SEPTIN10: variants seen among roughly 807,000 people sequenced by gnomAD.
SEPTIN10 encodes septin-10.
A neutral mutation model predicts 54.8 loss-of-function variants in SEPTIN10; 66 were observed. The observed-to-expected ratio is 1.21, with a 90% confidence interval of 0.99 to 1.48. SEPTIN10 has a LOEUF of 1.48. Among genes scored for constraint, SEPTIN10 ranks in the 40% most tolerant of loss-of-function variants. The pLI is 0.00. For synonymous variants in SEPTIN10, 161 were observed against 181.0 expected (o/e 0.89, Z 0.89); for missense variants, 620 against 545.6 (o/e 1.14, Z -1.36).
At chr2:109,562,149 G>A (rs1316944156) in intron 8 of SEPTIN10, among the ~76,000 whole-genome samples, 3 of 151,916 alleles carry the variant, frequency 2.0e-5, no homozygotes, top group Admixed American at 1.3e-4. Flanking sequence ...GGAGGCAGAG[G>A]TTGCAGTGAG....
intron 8 of SEPTIN10, chr2:109,564,154 T>A: frequency 2.4e-6 from 1 of 408,946 alleles, no homozygotes. Context: ...TAACTCTTTT[T>A]GAGTCAGACA....
intron 4 of SEPTIN10, among the ~76,000 whole-genome samples, chr2:109,580,606 T>C (rs1690878737): frequency 6.6e-6 from 1 of 152,128 alleles, no homozygotes; most frequent in Non-Finnish European, 1.5e-5. Context: ...TCCTACCCAG[T>C]ACAGTCCAGC....
At chr2:109,603,707 C>T (rs1697203539) in intron 1 of SEPTIN10, among the ~76,000 whole-genome samples, 1 of 152,082 alleles carries the variant, frequency 6.6e-6, no homozygotes, top group Non-Finnish European at 1.5e-5. Context: ...ATAATGAAAT[C>T]TACATAGTCA....
In SEPTIN10 at chr2:109,559,877, G is replaced by C. The variant is rs145045600; in HGVS notation, c.1028+4489C>G. On this transcript the variant is annotated intron_variant, in intron 8 of 10. Coordinates refer to ENST00000397712, the MANE Select transcript of SEPTIN10 (RefSeq NM_144710.5). ...TGTTGCAGGCCTTCCCTTCAAATCT[G>C]CAAGTCCAGACCTATGTAGCCTCCA... Among the ~76,000 whole-genome samples, 687 of 148,196 alleles carry C rather than the reference G, an allele frequency of 4.6e-3. 2 individuals carry two copies. The highest frequency in any genetic ancestry group is 7.3e-3 in the Non-Finnish European group (491 of 67,416).
intron 7 of SEPTIN10, among the ~76,000 whole-genome samples, chr2:109,565,243 C>T (rs989523264): frequency 7.2e-5 from 11 of 151,864 alleles, no homozygotes; most frequent in African/African-American, 2.4e-4. Flanking sequence ...GAAATCCATA[C>T]TAGTAAGGGT....
intron 5 of SEPTIN10, among the ~76,000 whole-genome samples, chr2:109,568,860 C>G (rs115567141): frequency 6.6e-6 from 1 of 152,062 alleles, no homozygotes; most frequent in South Asian, 2.1e-4. Flanking sequence ...ACTGTATGTA[C>G]TACTATCTTA....
intron 8 of SEPTIN10, 111 bp from the exon 9 acceptor site, chr2:109,553,330 A>C: frequency 1.9e-6 from 2 of 1,065,388 alleles, no homozygotes; most frequent in African/African-American, 1.6e-5. Flanking sequence ...GGATCACCTA[A>C]GGTCAGGAGT....
At chr2:109,593,414 T>TTTTTTTC (rs1694562134) in intron 1 of SEPTIN10, among the ~76,000 whole-genome samples, 1 of 150,286 alleles carries the variant, frequency 6.7e-6, no homozygotes, top group Non-Finnish European at 1.5e-5. Flanking sequence ...AAGAACTTTT[T>TTTTTTTC]TTTTTTTTTG....
chr2:109,559,952 G>A lies in SEPTIN10; in HGVS notation c.1028+4414C>T, dbSNP rs573506275. Among the ~76,000 whole-genome samples, 93 of 125,438 alleles carry A rather than the reference G, an allele frequency of 7.4e-4. 2 individuals are homozygous for A. The South Asian group carries it at 0.023, about 31-fold the overall frequency. The allele number at this position is 125,438 out of a possible 152,430, so 82.3% of individuals were successfully genotyped here. ...TTTTTGTCTTTTAAGATGGGGTCTCGCTCTGTCACCCAGGCTGGAGTGCAG... is the reference window on the plus strand; with the variant it reads ...TTTTTGTCTTTTAAGATGGGGTCTCACTCTGTCACCCAGGCTGGAGTGCAG... On this transcript the variant is annotated intron_variant, in intron 8 of 10. Transcript: ENST00000397712.
chr2:109,612,930 T>C (rs1016283931), intron 1 of SEPTIN10, among the ~76,000 whole-genome samples: 13 of 152,364 alleles, frequency 8.5e-5, no homozygotes, highest in Non-Finnish European at 1.2e-4. Context: ...CAATTTAAAC[T>C]TCTCATGTAG....
chr2:109,564,403 C>T lies in SEPTIN10; in HGVS notation c.991G>A (p.Gly331Ser), dbSNP rs778059972. The T allele has an allele frequency of 6.3e-7, 1 of 1,591,164 alleles. No homozygotes were observed. Among genetic ancestry groups the T allele is most frequent in the Non-Finnish European group, 8.6e-7 (1 of 1,166,078 alleles). Residue 331 changes from glycine (G) to serine (S), a missense_variant, in exon 8 of 11, where the codon GGC becomes AGC. Coordinates refer to ENST00000397712, the MANE Select transcript of SEPTIN10 (RefSeq NM_144710.5). ...TTTTCTGGGCCCACATCTGTAAAGC[C>T]CATTTCCTCCAGTTTGCAGCGCCTG... ...LYRRCKLEEM[G>S]FTDVGPENKP...
intron 1 of SEPTIN10, among the ~76,000 whole-genome samples, chr2:109,595,488 T>G (rs755610960): frequency 1.9e-4 from 29 of 152,206 alleles, no homozygotes; most frequent in Non-Finnish European, 2.9e-4. Flanking sequence ...CACGTCCCTC[T>G]AGTCTGTAGG....
intron 9 of SEPTIN10, among the ~76,000 whole-genome samples, chr2:109,549,936 ACTGAGT>A (rs1655725404): frequency 6.6e-6 from 1 of 152,206 alleles, no homozygotes; most frequent in Non-Finnish European, 1.5e-5. Context: ...AGAAAGCCAT[ACTGAGT>A]GTAAAGGGGG....
At chr2:109,592,827 A>T (rs1336651214) in intron 2 of SEPTIN10, among the ~76,000 whole-genome samples, 1 of 152,098 alleles carries the variant, frequency 6.6e-6, no homozygotes, top group Non-Finnish European at 1.5e-5. Context: ...AAATTTCCTT[A>T]ATGTCAGAAT....
chr2:109,584,860 C>G (rs1692105774), intron 4 of SEPTIN10, among the ~76,000 whole-genome samples: 1 of 152,018 alleles, frequency 6.6e-6, no homozygotes, highest in Non-Finnish European at 1.5e-5. Context: ...ATTTGCATGT[C>G]AGGAAATAAT....
At position 109,585,721 on chromosome 2, in the gene SEPTIN10, C is replaced by T; in HGVS notation, c.217G>A (p.Gly73Arg). Reference sequence around the variant, plus strand: ...TAGAGGAAGAGTAGGTGGCACGTACCCACACAGAGAATATTAAAGCAGAAA... The same window carrying T: ...TAGAGGAAGAGTAGGTGGCACGTACTCACACAGAGAATATTAAAGCAGAAA... ...QGFCFNILCV[G>R]ETGIGKSTLI... Residue 73 changes from glycine to arginine, a missense_variant and splice_region_variant, in exon 3 of 11, where the codon GGG becomes AGG. Gly to Arg is a moderately radical substitution (Grantham distance 125). Coordinates refer to ENST00000397712, the MANE Select transcript of SEPTIN10 (RefSeq NM_144710.5). 6.2e-7 allele frequency: 1 copy of T among 1,604,694 alleles called. No homozygotes were observed. Among genetic ancestry groups the T allele is most frequent in the South Asian group, 1.1e-5 (1 of 90,832 alleles).
At chr2:109,612,158 G>C (rs930874189) in intron 1 of SEPTIN10, among the ~76,000 whole-genome samples, 2 of 151,892 alleles carry the variant, frequency 1.3e-5, no homozygotes, top group Non-Finnish European at 2.9e-5. Flanking sequence ...GCAACAACCT[G>C]GATGAATCTC....
At chr2:109,589,276 TA>T (rs1391723732) in intron 2 of SEPTIN10, among the ~76,000 whole-genome samples, 1 of 152,072 alleles carries the variant, frequency 6.6e-6, no homozygotes. Flanking sequence ...CTCATGCCTA[TA>T]ATCTCAGCAC....
chr2:109,598,982 A>C (rs1049367476), intron 1 of SEPTIN10, among the ~76,000 whole-genome samples: 5 of 152,186 alleles, frequency 3.3e-5, no homozygotes, highest in African/African-American at 1.2e-4. Context: ...AAGATTCCAC[A>C]GACTCATTAT....
Sources: allele counts gnomAD v4.1 joint callset (sites outside exome capture counted in the v4.1 genomes callset), GRCh38; gene constraint gnomAD v4.1.1; transcripts MANE v1.5; gene names NCBI Gene and HGNC (gene_info 2026-07-23, HGNC 2026-07-21).